TNFRSF11A: variants seen among roughly 807,000 people sequenced by gnomAD.
TNFRSF11A encodes the protein TNF receptor superfamily member 11a.
TNFRSF11A carries 32 observed loss-of-function variants against 55.7 expected under a neutral mutation model. The observed-to-expected ratio is 0.57, with a 90% confidence interval of 0.43 to 0.77. TNFRSF11A has a LOEUF of 0.77. TNFRSF11A is among the 30% of genes least tolerant of loss of function. The probability of loss-of-function intolerance (pLI) is 0.00; values close to 1 mark genes in which losing one functional copy is unlikely to be tolerated. For missense variants in TNFRSF11A, 753 were observed against 809.8 expected, an observed-to-expected ratio of 0.93 and a Z score of 0.85; for synonymous variants, 311 against 331.0, an observed-to-expected ratio of 0.94 and a Z score of 0.65.
intron 6 of TNFRSF11A, among the ~76,000 whole-genome samples, chr18:62,360,910 C>G (rs1414102228): frequency 6.6e-6 from 1 of 152,074 alleles, no homozygotes; most frequent in Non-Finnish European, 1.5e-5. Flanking sequence ...CAATAGGCCA[C>G]AGAATAACCG....
chr18:62,329,989 G>A (rs763433947), intron 1 of TNFRSF11A, among the ~76,000 whole-genome samples: 6 of 152,198 alleles, frequency 3.9e-5, no homozygotes, highest in Non-Finnish European at 5.9e-5. Flanking sequence ...AGCCACCGTC[G>A]ACTTTCAGCC....
At chr18:62,346,407 G>A (rs12956925) in intron 1 of TNFRSF11A, among the ~76,000 whole-genome samples, 24,081 of 152,152 alleles carry the variant, frequency 0.16, 2,055 homozygotes, top group South Asian at 0.22. Context: ...ACAGAGAAAA[G>A]CATCTCAGAA....
intron 1 of TNFRSF11A, among the ~76,000 whole-genome samples, chr18:62,331,820 C>T (rs900301705): frequency 1.3e-5 from 2 of 152,204 alleles, no homozygotes; most frequent in Admixed American, 1.3e-4. Context: ...CTAAGATGAG[C>T]GTTTCCCTTC....
chr18:62,364,469 C>G (rs1160685226), intron 7 of TNFRSF11A, among the ~76,000 whole-genome samples: 5 of 152,126 alleles, frequency 3.3e-5, no homozygotes, highest in African/African-American at 9.7e-5. Context: ...AGAGTAGATG[C>G]AGGCGCACCA....
chr18:62,355,655 T>C (rs1279267628), intron 4 of TNFRSF11A, among the ~76,000 whole-genome samples: 1 of 152,220 alleles, frequency 6.6e-6, no homozygotes, highest in Non-Finnish European at 1.5e-5. Context: ...TGTCACTGCA[T>C]TTATTATTAC....
At chr18:62,379,923 A>G (rs1432535166) in intron 9 of TNFRSF11A, among the ~76,000 whole-genome samples, 1 of 152,258 alleles carries the variant, frequency 6.6e-6, no homozygotes, top group Non-Finnish European at 1.5e-5. Flanking sequence ...TAATATTGAA[A>G]AATGTCCAAC....
intron 9 of TNFRSF11A, among the ~76,000 whole-genome samples, chr18:62,370,820 C>G (rs1205536355): frequency 9.8e-6 from 1 of 102,038 alleles, no homozygotes; most frequent in Non-Finnish European, 1.9e-5. Flanking sequence ...TATTTCTTTT[C>G]TTTTCTTTTC....
chr18:62,331,508 C>T (rs1568470441), intron 1 of TNFRSF11A, among the ~76,000 whole-genome samples: 2 of 152,192 alleles, frequency 1.3e-5, no homozygotes, highest in African/African-American at 2.4e-5. Flanking sequence ...TGGCATTGTG[C>T]TGTGCAGGGA....
chr18:62,380,804 T>TA (rs1911229313), intron 9 of TNFRSF11A, among the ~76,000 whole-genome samples: 4 of 102,834 alleles, frequency 3.9e-5, no homozygotes, highest in Admixed American at 1.0e-4. Context: ...AAAATAATAT[T>TA]CTTTTTTTTT....
chr18:62,338,057 A>C (rs2046259494), intron 1 of TNFRSF11A, among the ~76,000 whole-genome samples: 1 of 152,220 alleles, frequency 6.6e-6, no homozygotes, highest in Admixed American at 6.5e-5. Context: ...GCACAAGAAA[A>C]GATGCTCCAC....
chr18:62,359,447 A>G (rs1909508790), intron 5 of TNFRSF11A, among the ~76,000 whole-genome samples: 1 of 151,938 alleles, frequency 6.6e-6, no homozygotes, highest in African/African-American at 2.4e-5. Context: ...TGGTACAAAC[A>G]CGGCTCACTG....
chr18:62,337,154 G>GT (rs1568473265), intron 1 of TNFRSF11A, among the ~76,000 whole-genome samples: 7 of 152,004 alleles, frequency 4.6e-5, no homozygotes, highest in Admixed American at 4.6e-4. Flanking sequence ...TTAAGTTTTT[G>GT]TTTTTTATCA....
At position 62,361,701 on chromosome 18, in the gene TNFRSF11A, G is replaced by A. The variant is rs1245171192; in HGVS notation, c.638G>A (p.Gly213Asp). The change falls in exon 7 of 10, where the codon GGT (glycine) becomes GAT (aspartate). Residue 213 changes from glycine to aspartate, a missense_variant. By Grantham distance (94) the Gly-to-Asp change is moderately conservative. Transcript: ENST00000586569. ...PPNEPHVYLP[G>D]LIILLLFASV... is the part of the protein sequence containing the mutation. Reference sequence around the variant, plus strand: ...ACAGAACCCCATGTTTACTTGCCCGGTTTAATAATTCTGCTTCTCTTCGCG... The same window carrying A: ...ACAGAACCCCATGTTTACTTGCCCGATTTAATAATTCTGCTTCTCTTCGCG... The A allele has an allele frequency of 6.2e-7, 1 of 1,614,118 alleles. No homozygotes were observed. Among genetic ancestry groups the A allele is most frequent in the African/African-American group, 1.3e-5 (1 of 75,030 alleles).
At chr18:62,344,694 T>G in intron 1 of TNFRSF11A, among the ~76,000 whole-genome samples, 1 of 152,198 alleles carries the variant, frequency 6.6e-6, no homozygotes, top group East Asian at 1.9e-4. Context: ...GCCAAGGGGA[T>G]CTGGAGCCAT....
Position 62,381,936 on chromosome 18 carries a change from G to A in TNFRSF11A, c.1568-2815G>A, listed in dbSNP as rs138944121. ...GCCTACTTCTGTTGCTGCTACGGTA[G>A]AAGCCTTTTTATCAGCCCCTGGTCA... On this transcript the variant is annotated intron_variant, in intron 9 of 9. Transcript: ENST00000586569. 4.8e-3 allele frequency among the ~76,000 whole-genome samples: 736 copies of A among 152,142 alleles called. 6 individuals are homozygous for A. The highest frequency in any genetic ancestry group is 0.017 in the African/African-American group (716 of 41,514).
intron 1 of TNFRSF11A, among the ~76,000 whole-genome samples, chr18:62,329,882 T>C (rs1356889241): frequency 6.6e-6 from 1 of 152,118 alleles, no homozygotes; most frequent in Non-Finnish European, 1.5e-5. Flanking sequence ...CGCAGTGTGC[T>C]CTCACGCCAA....
chr18:62,384,668 A>G, intron 9 of TNFRSF11A, 83 bp from the exon 10 acceptor site: 1 of 1,520,652 alleles, frequency 6.6e-7, no homozygotes, highest in Non-Finnish European at 8.9e-7. Flanking sequence ...GCCGCCCTCC[A>G]CTCCCCGGAA....
intron 8 of TNFRSF11A, chr18:62,367,413 A>G (rs1910169702): frequency 6.4e-6 from 1 of 155,248 alleles, no homozygotes; most frequent in Non-Finnish European, 1.4e-5. Context: ...TTATGTTGAC[A>G]CAGTTCAAAA....
chr18:62,338,074 A>C (rs1273659094), intron 1 of TNFRSF11A, among the ~76,000 whole-genome samples: 1 of 152,238 alleles, frequency 6.6e-6, no homozygotes, highest in Non-Finnish European at 1.5e-5. Flanking sequence ...CCACCTCATT[A>C]GTCATTAGGA....
Sources: gnomAD v4.1 joint callset for allele counts (sites outside exome capture counted in the v4.1 genomes callset) on GRCh38, gnomAD v4.1.1 for gene constraint, MANE v1.5 for transcripts, NCBI Gene and HGNC (gene_info 2026-07-23, HGNC 2026-07-21) for gene names.